FMOD: variants seen among roughly 807,000 people sequenced by gnomAD.
FMOD encodes the protein KSPG fibromodulin.
Under a neutral mutation model 27.0 loss-of-function variants are expected in FMOD, and 15 were observed. The observed-to-expected ratio is 0.55, with a 90% CI of 0.37 to 0.85. FMOD has a LOEUF of 0.85. Ranked by LOEUF, FMOD falls within the 40% of genes least tolerant of loss-of-function variation. FMOD has a pLI of 0.00. For synonymous variants in FMOD, 210 were observed against 214.0 expected, an observed-to-expected ratio of 0.98 and a Z score of 0.16; for missense variants, 460 against 483.2, an observed-to-expected ratio of 0.95 and a Z score of 0.45.
At chr1:203,343,701 C>G (rs3766914) in intron 2 of FMOD, among the ~76,000 whole-genome samples, 25,842 of 151,996 alleles carry the variant, frequency 0.17, 2,779 homozygotes, top group East Asian at 0.44. Flanking sequence ...GGGCCAGGCA[C>G]GAGGAGTGGG....
rs1318625420 is a variant in FMOD, at chr1:203,348,112, G to A, written c.159C>T (p.Tyr53=). 3 of 1,614,214 alleles carry A rather than the reference G, an allele frequency of 1.9e-6. No individual in the cohort carries two copies. The highest frequency in any genetic ancestry group is 2.7e-5 in the African/African-American group (2 of 75,066). ...DPYPYETYEP[Y]PYGVDEGPAY... is the part of the protein sequence containing the mutation. Reference sequence around the variant, plus strand: ...CTGGCCCTTCATCCACCCCATAGGGGTAAGGCTCGTAGGTCTCATACGGGT... The same window carrying A: ...CTGGCCCTTCATCCACCCCATAGGGATAAGGCTCGTAGGTCTCATACGGGT... The change falls in exon 2 of 3, where the codon TAC becomes TAT. Residue 53 remains tyrosine (Y), a synonymous_variant. Coordinates refer to ENST00000354955, the MANE Select transcript of FMOD (RefSeq NM_002023.5).
chr1:203,347,167 G>T lies in FMOD; in HGVS notation c.979+125C>A, dbSNP rs1658903297. On this transcript the variant is annotated intron_variant, in intron 2 of 2. Coordinates refer to ENST00000354955, the MANE Select transcript of FMOD (RefSeq NM_002023.5). ...TACAGGGGTATGGCTTGGTTGTCAG[G>T]TTGCTTCATTTGTGCTGTCTGGTTC... 2.3e-5 allele frequency: 26 copies of T among 1,138,148 alleles called. No individual in the cohort carries two copies. In the South Asian group the frequency reaches 3.2e-4, roughly 14 times the overall value. The allele number at this position is 1,138,148 out of a possible 1,614,324, so 70.5% of individuals were successfully genotyped here.
intron 1 of FMOD, among the ~76,000 whole-genome samples, chr1:203,349,358 A>G (rs1273228052): frequency 6.6e-6 from 1 of 152,214 alleles, no homozygotes; most frequent in East Asian, 1.9e-4. Context: ...CTCTGTGTCT[A>G]GGTCCCCACA....
At chr1:203,344,410 C>T (rs1658851547) in intron 2 of FMOD, among the ~76,000 whole-genome samples, 2 of 152,152 alleles carry the variant, frequency 1.3e-5, no homozygotes, top group African/African-American at 2.4e-5. Context: ...CCCGTCTTCC[C>T]CAAGCCCATG....
At position 203,348,050 on chromosome 1, in the gene FMOD, C is replaced by G. The variant is rs191562847; in HGVS notation, c.221G>C (p.Arg74Pro). 2 of 1,612,682 alleles carry G rather than the reference C, an allele frequency of 1.2e-6. No homozygotes were observed. Among genetic ancestry groups the G allele is most frequent in the Non-Finnish European group, 1.7e-6 (2 of 1,179,282 alleles). Residue 74 changes from arginine to proline, a missense_variant, in exon 2 of 3, where the codon CGC (arginine) becomes CCC (proline). Physicochemically the swap from Arg to Pro is moderately radical, Grantham distance 103. Coordinates refer to ENST00000354955, the MANE Select transcript of FMOD (RefSeq NM_002023.5). The stretch of plus-strand genomic sequence containing the variant: ...GCAGTCGCACTCCTGGGGGCAGTCG[C>G]GGGGATCTGGAGGGGATGGAGAGCC... Reference protein sequence around the residue: ...TYGSPSPPDPRDCPQECDCPP... With the variant: ...TYGSPSPPDPPDCPQECDCPP...
At position 203,347,937 on chromosome 1, in the gene FMOD, A is replaced by G. The variant is rs373344896; in HGVS notation, c.334T>C (p.Phe112Leu). The G allele has an allele frequency of 6.2e-7, 1 of 1,611,340 alleles. No homozygotes were observed. Among genetic ancestry groups the G allele is most frequent in the Non-Finnish European group, 8.5e-7 (1 of 1,177,896 alleles). The part of the protein sequence containing the change: ...FVPSRMKYVY[F>L]QNNQITSIQE... ...ATGGAGGTGATCTGGTTGTTCTGGA[A>G]GTACACATACTTCATGCGGGAGGGA... Residue 112 changes from phenylalanine to leucine, a missense_variant, in exon 2 of 3, where the codon TTC becomes CTC. Coordinates refer to ENST00000354955, the MANE Select transcript of FMOD (RefSeq NM_002023.5).
rs1376793747 is a variant in FMOD at position 203,340,699 on chromosome 1, T to A, written c.*1644A>T. The stretch of plus-strand genomic sequence containing the variant: ...CTTTTCCTGTAATAAGGATCCTTTA[T>A]AAAGGCATGATGGTGTTCACATGCA... On this transcript the variant is annotated 3_prime_UTR_variant, in exon 3 of 3. Transcript: ENST00000354955. 1 of 152,250 alleles carries A rather than the reference T, an allele frequency of 6.6e-6. No individual in the cohort carries two copies. The highest frequency in any genetic ancestry group is 1.5e-5 in the Non-Finnish European group (1 of 68,038). The allele number at this position is 152,250 out of a possible 1,614,324, so 9.4% of individuals were successfully genotyped here.
intron 1 of FMOD, among the ~76,000 whole-genome samples, chr1:203,349,603 T>C (rs10753939): frequency 0.95 from 145,358 of 152,260 alleles, 69,744 homozygotes; most frequent in East Asian, 1. Context: ...AACCTTAGAA[T>C]CTTTCTTGGC....
rs748237704 is a variant in FMOD, at chr1:203,348,148, G to A, written c.123C>T (p.Pro41=). Residue 41 remains proline, a synonymous_variant, in exon 2 of 3, where the codon CCC becomes CCT. Transcript: ENST00000354955. ...LRSQQSTYYD[P]YDPYPYETYE... is the part of the protein sequence containing the mutation. Reference sequence around the variant, plus strand: ...AGGTCTCATACGGGTAAGGGTCATAGGGATCGTAGTAGGTGGACTGCTGGC... The same window carrying A: ...AGGTCTCATACGGGTAAGGGTCATAAGGATCGTAGTAGGTGGACTGCTGGC... The A allele has an allele frequency of 2.5e-6, 4 of 1,614,208 alleles. No homozygotes were observed. Among genetic ancestry groups the A allele is most frequent in the Non-Finnish European group, 3.4e-6 (4 of 1,180,028 alleles).
rs1385412281 is a variant in FMOD at position 203,347,493 on chromosome 1, G to A, written c.778C>T (p.Pro260Ser). Residue 260 changes from proline (P) to serine (S), a missense_variant, in exon 2 of 3, where the codon CCC (proline) becomes TCC (serine). Coordinates refer to ENST00000354955, the MANE Select transcript of FMOD (RefSeq NM_002023.5). Reference protein sequence around the residue: ...YMEHNNVYTVPDSYFRGAPKL... With the variant: ...YMEHNNVYTVSDSYFRGAPKL... ...GGCGCCCCCCGGAAGTAGCTATCGG[G>A]GACGGTGTAGACATTGTTGTGCTCC... The A allele has an allele frequency of 1.2e-6, 2 of 1,614,194 alleles. No homozygotes were observed. The highest frequency in any genetic ancestry group is 1.1e-5 in the South Asian group (1 of 91,084).
At chr1:203,349,965 C>T (rs945299197) in intron 1 of FMOD, among the ~76,000 whole-genome samples, 3 of 152,356 alleles carry the variant, frequency 2.0e-5, no homozygotes, top group Middle Eastern at 3.4e-3. Context: ...TGGCTGGTTC[C>T]TGGCTCTGGC....
chr1:203,341,858 G>T lies in FMOD; in HGVS notation c.*485C>A, dbSNP rs1658799323. The T allele has an allele frequency of 6.5e-6, 1 of 152,880 alleles. No individual in the cohort carries two copies. The allele number at this position is 152,880 out of a possible 1,614,324, so 9.5% of individuals were successfully genotyped here. On this transcript the variant is annotated 3_prime_UTR_variant, in exon 3 of 3. Coordinates refer to ENST00000354955, the MANE Select transcript of FMOD (RefSeq NM_002023.5). ...TGGAGGAAAGTGGAGTGGGTGAAGT[G>T]GATTTCAGAAGAGGCAGCTGGGCAA...
intron 2 of FMOD, among the ~76,000 whole-genome samples, chr1:203,345,136 A>T (rs952551318): frequency 1.3e-5 from 2 of 152,256 alleles, no homozygotes; most frequent in African/African-American, 4.8e-5. Flanking sequence ...GAGAGAGACT[A>T]AGTGATACCT....
In FMOD at chr1:203,347,499, T is replaced by C; in HGVS notation, c.772A>G (p.Thr258Ala). 1.2e-6 allele frequency: 2 copies of C among 1,614,028 alleles called. No individual in the cohort carries two copies. Among genetic ancestry groups the C allele is most frequent in the Non-Finnish European group, 1.7e-6 (2 of 1,179,970 alleles). ...CCCCGGAAGTAGCTATCGGGGACGG[T>C]GTAGACATTGTTGTGCTCCATGTAC... ...QLYMEHNNVY[T>A]VPDSYFRGAP... The change falls in exon 2 of 3, where the codon ACC (threonine) becomes GCC (alanine). Residue 258 changes from threonine to alanine, a missense_variant. Thr to Ala is a moderately conservative substitution (Grantham distance 58). Coordinates refer to ENST00000354955, the MANE Select transcript of FMOD (RefSeq NM_002023.5).
intron 2 of FMOD, among the ~76,000 whole-genome samples, chr1:203,345,973 G>T (rs190020382): frequency 1.3e-5 from 2 of 151,800 alleles, no homozygotes; most frequent in East Asian, 3.9e-4. Flanking sequence ...AAGAAAGAGA[G>T]ATTTTAATAA....
intron 2 of FMOD, 48 bp from the exon 3 acceptor site, chr1:203,342,542 G>C: frequency 6.3e-7 from 1 of 1,579,332 alleles, no homozygotes; most frequent in Non-Finnish European, 8.7e-7. Context: ...CCCAGATTAC[G>C]AACCTGAAGC....
chr1:203,347,888 G>T lies in FMOD; in HGVS notation c.383C>A (p.Ala128Asp), dbSNP rs761801836. 2 of 1,613,976 alleles carry T rather than the reference G, an allele frequency of 1.2e-6. No homozygotes were observed. Among genetic ancestry groups the T allele is most frequent in the Non-Finnish European group, 1.7e-6 (2 of 1,179,854 alleles). ...GAGAGCAATCCAGAGCAGCCCTGTG[G>T]CATTGTCAAAGACGCCTTCCTGGAT... ...TSIQEGVFDN[A>D]TGLLWIALHG... The change falls in exon 2 of 3, where the codon GCC (alanine) becomes GAC (aspartate). Residue 128 changes from alanine (A) to aspartate (D), a missense_variant. Transcript: ENST00000354955.
Position 203,342,394 on chromosome 1 carries a change from C to G in FMOD, c.1080G>C (p.Met360Ile). Residue 360 changes from methionine to isoleucine, a missense_variant, in exon 3 of 3, where the codon ATG becomes ATC. Met to Ile is a conservative substitution (Grantham distance 10, BLOSUM62 1). Transcript: ENST00000354955. ...GCAGGCAGAGGGGCGCGTCGGCAGG[C>G]ATGGCGCTGCGCTTGATCTCGTTCC... ...LDGNEIKRSA[M>I]PADAPLCLRL... The G allele has an allele frequency of 6.2e-7, 1 of 1,613,934 alleles. No individual in the cohort carries two copies. Among genetic ancestry groups the G allele is most frequent in the Non-Finnish European group, 8.5e-7 (1 of 1,179,896 alleles).
Position 203,347,460 on chromosome 1 carries a change from G to A in FMOD, c.811C>T (p.Leu271=). 1 of 1,614,142 alleles carries A rather than the reference G, an allele frequency of 6.2e-7. No homozygotes were observed. Among genetic ancestry groups the A allele is most frequent in the East Asian group, 2.2e-5 (1 of 44,882 alleles). The change falls in exon 2 of 3, where the codon CTG becomes TTG. Residue 271 remains leucine, a synonymous_variant. Coordinates refer to ENST00000354955, the MANE Select transcript of FMOD (RefSeq NM_002023.5). ...DSYFRGAPKL[L]YVRLSHNSLT... Reference sequence around the variant, plus strand: ...CTGTTGTGGGACAGCCGCACATACAGCAGCTTGGGCGCCCCCCGGAAGTAG... The same window carrying A: ...CTGTTGTGGGACAGCCGCACATACAACAGCTTGGGCGCCCCCCGGAAGTAG...
Sources: gnomAD v4.1 joint callset for allele counts (sites outside exome capture counted in the v4.1 genomes callset) on GRCh38, gnomAD v4.1.1 for gene constraint, MANE v1.5 for transcripts, NCBI Gene and HGNC (gene_info 2026-07-23, HGNC 2026-07-21) for gene names.